Variants in PDE1A observed in about 807,000 individuals in gnomAD.
The protein encoded by PDE1A is phosphodiesterase 1A.
A neutral mutation model predicts 61.7 loss-of-function variants in PDE1A; 35 were observed. That is an observed-to-expected ratio of 0.57 (90% CI 0.43 to 0.75). The LOEUF (loss-of-function observed/expected upper bound fraction) is 0.75. PDE1A is among the 30% of genes least tolerant of loss of function. The pLI is 0.00. For synonymous variants in PDE1A, 232 were observed against 213.2 expected (o/e 1.09, Z -0.77); for missense variants, 597 against 630.6 (o/e 0.95, Z 0.57).
At chr2:182,452,060 T>C (rs1253934971) in intron 2 of PDE1A, among the ~76,000 whole-genome samples, 2 of 152,044 alleles carry the variant, frequency 1.3e-5, no homozygotes, top group Admixed American at 6.6e-5. Context: ...AAAATCCAGG[T>C]GGCAGAAATA....
intron 1 of PDE1A, among the ~76,000 whole-genome samples, chr2:182,271,113 A>T (rs1692986365): frequency 1.3e-5 from 2 of 151,558 alleles, no homozygotes; most frequent in Admixed American, 1.3e-4. Context: ...CAGCATGAGG[A>T]CTACACTTAA....
intron 1 of PDE1A, among the ~76,000 whole-genome samples, chr2:182,405,630 G>A (rs1702255579): frequency 6.6e-6 from 1 of 152,104 alleles, no homozygotes; most frequent in South Asian, 2.1e-4. Flanking sequence ...TTGGGTGAAG[G>A]GGGCTGCTGG....
At chr2:182,675,372 G>GTTGA in the PDE1A span, among the ~76,000 whole-genome samples, 3 of 152,102 alleles carry the variant, frequency 2.0e-5, no homozygotes, top group Admixed American at 6.5e-5. Flanking sequence ...GGGCATTTAG[G>GTTGA]TTGATTCCAT....
intron 13 of PDE1A, among the ~76,000 whole-genome samples, chr2:182,180,832 A>T (rs777507467): frequency 2.6e-5 from 4 of 151,714 alleles, no homozygotes; most frequent in Non-Finnish European, 5.9e-5. Context: ...TATTTCAGCA[A>T]GATGGTCTTC....
At chr2:182,277,650 C>T (rs1390020581) in intron 1 of PDE1A, among the ~76,000 whole-genome samples, 1 of 151,970 alleles carries the variant, frequency 6.6e-6, no homozygotes, top group Non-Finnish European at 1.5e-5. Flanking sequence ...AAAAATTGCC[C>T]TAGGTTGTCT....
intron 2 of PDE1A, among the ~76,000 whole-genome samples, chr2:182,500,519 T>C (rs1010073945): frequency 2.2e-4 from 33 of 152,082 alleles, no homozygotes; most frequent in Non-Finnish European, 1.3e-4. Flanking sequence ...AAATGCAAAG[T>C]ATTACTGATG....
intron 2 of PDE1A, among the ~76,000 whole-genome samples, chr2:182,513,457 CAT>C (rs536899733): frequency 1.3e-5 from 2 of 152,152 alleles, no homozygotes; most frequent in South Asian, 4.1e-4. Context: ...GAGTGCTAAA[CAT>C]AGCAACAAAA....
chr2:182,595,406 C>T, the PDE1A span, among the ~76,000 whole-genome samples: 1 of 151,996 alleles, frequency 6.6e-6, no homozygotes, highest in African/African-American at 2.4e-5. Flanking sequence ...CTCCTGTGCC[C>T]AAAATAAATT....
At chr2:182,531,040 GATAAA>G in the PDE1A span, among the ~76,000 whole-genome samples, 1 of 151,888 alleles carries the variant, frequency 6.6e-6, no homozygotes, top group East Asian at 1.9e-4. Context: ...CTCTCAAACT[GATAAA>G]ATAATGACAT....
the PDE1A span, among the ~76,000 whole-genome samples, chr2:182,538,632 A>C: frequency 1.3e-5 from 2 of 152,198 alleles, no homozygotes; most frequent in African/African-American, 4.8e-5. Context: ...TATCTTATGA[A>C]TAGATTCTAA....
the PDE1A span, among the ~76,000 whole-genome samples, chr2:182,676,158 T>C: frequency 2.6e-5 from 4 of 152,002 alleles, no homozygotes; most frequent in African/African-American, 9.7e-5. Context: ...GAGTTGGCTT[T>C]TTGAAAAAAG....
In PDE1A at chr2:182,221,742, A is replaced by G. The variant is rs570492742; in HGVS notation, c.776+2122T>C. ...AACAGCTTGGAATTATCATGTGTCC[A>G]TCTCTGGCTGTGGGAGCAGACTTAT... is the stretch of plus-strand genomic sequence containing the variant. On this transcript the variant is annotated intron_variant, in intron 7 of 13. Coordinates refer to ENST00000351439, the Ensembl canonical transcript of PDE1A. 3.1e-3 allele frequency among the ~76,000 whole-genome samples: 476 copies of G among 152,100 alleles called. 2 individuals are homozygous for G. The highest frequency in any genetic ancestry group is 0.011 in the African/African-American group (461 of 41,522).
chr2:182,162,823 C>A (rs938817800), intron 13 of PDE1A, among the ~76,000 whole-genome samples: 2 of 152,106 alleles, frequency 1.3e-5, no homozygotes, highest in Non-Finnish European at 2.9e-5. Context: ...GGTCCCCGAA[C>A]CCATAAGGTA....
the PDE1A span, among the ~76,000 whole-genome samples, chr2:182,542,395 C>A: frequency 6.6e-6 from 1 of 152,060 alleles, no homozygotes; most frequent in Non-Finnish European, 1.5e-5. Flanking sequence ...AACTGCTAAC[C>A]AGTAGATGTT....
At chr2:182,451,456 C>T in intron 2 of PDE1A, among the ~76,000 whole-genome samples, 1 of 151,376 alleles carries the variant, frequency 6.6e-6, no homozygotes, top group Non-Finnish European at 1.5e-5. Context: ...TATGAAAAGA[C>T]AAAACTACGC....
intron 1 of PDE1A, among the ~76,000 whole-genome samples, chr2:182,266,802 T>G (rs1692663340): frequency 6.6e-6 from 1 of 152,016 alleles, no homozygotes; most frequent in South Asian, 2.1e-4. Context: ...CCATCTGGGA[T>G]CATAAATGAC....
the PDE1A span, among the ~76,000 whole-genome samples, chr2:182,605,185 G>A: frequency 5.9e-5 from 9 of 152,202 alleles, no homozygotes; most frequent in South Asian, 8.3e-4. Flanking sequence ...TAGACCTACC[G>A]ATGACAAGAG....
chr2:182,188,872 T>C, intron 11 of PDE1A, 107 bp downstream of exon 11: 1 of 700,784 alleles, frequency 1.4e-6, no homozygotes, highest in Non-Finnish European at 2.6e-6. Flanking sequence ...ATCATGAATA[T>C]GGAGTGAGGT....
intron 1 of PDE1A, among the ~76,000 whole-genome samples, chr2:182,312,409 C>T (rs910638740): frequency 6.6e-6 from 1 of 151,994 alleles, no homozygotes; most frequent in Non-Finnish European, 1.5e-5. Flanking sequence ...CTTATAATTT[C>T]TCCTAGATGT....
Sources: gnomAD v4.1 joint callset for allele counts (sites outside exome capture counted in the v4.1 genomes callset) on GRCh38, gnomAD v4.1.1 for gene constraint, MANE v1.5 for transcripts, NCBI Gene and HGNC (gene_info 2026-07-23, HGNC 2026-07-21) for gene names.